Variants in CGNL1 observed in about 807,000 individuals in gnomAD.
The protein encoded by CGNL1 is cingulin like 1, also known as cingulin-like protein 1.
A neutral mutation model predicts 141.2 loss-of-function variants in CGNL1; 132 were observed. The ratio of observed to expected loss-of-function variants is 0.93; its 90% CI spans 0.81 to 1.08. The LOEUF is 1.08. Ranked by LOEUF, CGNL1 falls within the 50% of genes least tolerant of loss-of-function variation. CGNL1 has a pLI of 0.00. For synonymous variants in CGNL1, 690 were observed against 622.1 expected (o/e 1.11, Z -1.63); for missense variants, 1,870 against 1,588.6 (o/e 1.18, Z -3.01).
At chr15:57,384,638 T>C (rs2062461948) in intron 1 of CGNL1, among the ~76,000 whole-genome samples, 1 of 151,638 alleles carries the variant, frequency 6.6e-6, no homozygotes, top group South Asian at 2.1e-4. Context: ...ACATAAGTGC[T>C]CTTTGTTTAT....
At chr15:57,382,620 T>C (rs1175262923) in intron 1 of CGNL1, among the ~76,000 whole-genome samples, 1 of 152,248 alleles carries the variant, frequency 6.6e-6, no homozygotes, top group East Asian at 1.9e-4. Flanking sequence ...ACCTCTAGTT[T>C]TGGCCTCAAG....
rs1200240245 is a variant in CGNL1, at chr15:57,439,511, G to A, written c.1512G>A (p.Leu504=). The A allele has an allele frequency of 6.2e-7, 1 of 1,614,242 alleles. No individual in the cohort carries two copies. Residue 504 remains leucine (L), a synonymous_variant, in exon 2 of 19, where the codon CTG becomes CTA. Coordinates refer to ENST00000281282, the MANE Select transcript of CGNL1 (RefSeq NM_032866.5). ...AGGTGAAAACAGCCACCGCTACGCTGATGTTACAGAACCGGGCAACAGCAA... is the reference window on the plus strand; with the variant it reads ...AGGTGAAAACAGCCACCGCTACGCTAATGTTACAGAACCGGGCAACAGCAA... ...EEEVKTATAT[L]MLQNRATATS...
At chr15:57,500,606 A>G (rs1169516565) in intron 8 of CGNL1, among the ~76,000 whole-genome samples, 1 of 152,174 alleles carries the variant, frequency 6.6e-6, no homozygotes, top group African/African-American at 2.4e-5. Context: ...CTGTGCTCCC[A>G]GAGAACTATC....
chr15:57,439,663 T>C, intron 2 of CGNL1, 62 bp downstream of exon 2: 2 of 1,485,034 alleles, frequency 1.3e-6, no homozygotes, highest in East Asian at 2.3e-5. Flanking sequence ...TGTAATGATG[T>C]ACTTATGCTG....
intron 4 of CGNL1, among the ~76,000 whole-genome samples, chr15:57,446,100 C>A (rs186658456): frequency 1.3e-4 from 20 of 152,306 alleles, no homozygotes; most frequent in Admixed American, 1.0e-3. Context: ...GTAGATTACA[C>A]TGTAACAAAT....
At chr15:57,483,882 A>G (rs1409722084) in intron 8 of CGNL1, among the ~76,000 whole-genome samples, 1 of 152,194 alleles carries the variant, frequency 6.6e-6, no homozygotes, top group Non-Finnish European at 1.5e-5. Flanking sequence ...TGATATGATC[A>G]TGTGATTTTT....
rs1212437396 is a variant in CGNL1 at position 57,379,041 on chromosome 15, G to GT, written c.-16+2482dup. 8.0e-4 allele frequency among the ~76,000 whole-genome samples: 120 copies of GT among 149,112 alleles called. 1 individual carries two copies. In the South Asian group the frequency reaches 0.012, roughly 14 times the overall value. On this transcript the variant is annotated intron_variant, in intron 1 of 18. Transcript: ENST00000281282. ...ACTATATGGAAAGTGTTTTCCTACT[G>GT]TTTTTTTTGTGTGTGTGTGTGTGAG... is the stretch of plus-strand genomic sequence containing the variant.
chr15:57,545,569 T>G, intron 16 of CGNL1, 23 bp from the exon 17 acceptor site: 1 of 1,602,116 alleles, frequency 6.2e-7, no homozygotes, highest in Non-Finnish European at 8.5e-7. Flanking sequence ...AGAGGGTTCT[T>G]GGTTCTGTCT....
intron 7 of CGNL1, among the ~76,000 whole-genome samples, chr15:57,458,892 A>C (rs1215078208): frequency 6.6e-6 from 1 of 152,210 alleles, no homozygotes; most frequent in Non-Finnish European, 1.5e-5. Flanking sequence ...TGAGCTTGTC[A>C]ATGCCTGCTA....
At chr15:57,481,774 T>C (rs1321434377) in intron 8 of CGNL1, among the ~76,000 whole-genome samples, 3 of 152,190 alleles carry the variant, frequency 2.0e-5, no homozygotes, top group South Asian at 2.1e-4. Flanking sequence ...CTGAGATAAA[T>C]ATCTAGGAGT....
chr15:57,467,962 T>C (rs994236138), intron 8 of CGNL1, among the ~76,000 whole-genome samples: 1 of 152,172 alleles, frequency 6.6e-6, no homozygotes, highest in Non-Finnish European at 1.5e-5. Context: ...AGTACTGGGA[T>C]TACAGGCATG....
intron 8 of CGNL1, among the ~76,000 whole-genome samples, chr15:57,497,156 G>A (rs1166477925): frequency 6.6e-6 from 1 of 152,188 alleles, no homozygotes; most frequent in Non-Finnish European, 1.5e-5. Flanking sequence ...CTTCTGGCAG[G>A]TCTCTGTAAG....
At chr15:57,407,746 A>C (rs2062739530) in intron 1 of CGNL1, among the ~76,000 whole-genome samples, 1 of 140,082 alleles carries the variant, frequency 7.1e-6, no homozygotes. Flanking sequence ...AATTATTCTC[A>C]ATTTTTTTTT....
At chr15:57,487,473 T>G (rs117024341) in intron 8 of CGNL1, among the ~76,000 whole-genome samples, 1 of 152,312 alleles carries the variant, frequency 6.6e-6, no homozygotes, top group East Asian at 1.9e-4. Context: ...AGGATACATA[T>G]TTTTCTCAAA....
chr15:57,475,060 A>G (rs2063634259), intron 8 of CGNL1, among the ~76,000 whole-genome samples: 1 of 151,736 alleles, frequency 6.6e-6, no homozygotes, highest in Non-Finnish European at 1.5e-5. Context: ...CCATCCTCTG[A>G]CCTCCTTTCT....
At chr15:57,413,863 C>T (rs754982836) in intron 1 of CGNL1, among the ~76,000 whole-genome samples, 14 of 152,158 alleles carry the variant, frequency 9.2e-5, no homozygotes, top group Non-Finnish European at 1.5e-4. Flanking sequence ...CCCCCAGTGT[C>T]GGCATCAGTT....
At chr15:57,467,703 T>A (rs1986754816) in intron 8 of CGNL1, among the ~76,000 whole-genome samples, 1 of 149,262 alleles carries the variant, frequency 6.7e-6, no homozygotes, top group African/African-American at 2.5e-5. Context: ...TTTTTTTTTT[T>A]TTTGAGATGG....
intron 14 of CGNL1, among the ~76,000 whole-genome samples, chr15:57,537,267 A>G (rs1255269188): frequency 6.6e-6 from 1 of 152,148 alleles, no homozygotes; most frequent in Non-Finnish European, 1.5e-5. Flanking sequence ...GGGACTGAGC[A>G]AGGCTGCCTT....
rs72168222 is a variant in CGNL1 at position 57,475,492 on chromosome 15, G to GGT, written c.2403+13643_2403+13644dup. 4.8e-3 allele frequency among the ~76,000 whole-genome samples: 707 copies of GGT among 147,898 alleles called. 9 individuals carry two copies. The highest frequency in any genetic ancestry group is 0.017 in the African/African-American group (663 of 39,674). The stretch of plus-strand genomic sequence containing the variant: ...CTGGGATCTATGTATATACAAGTGT[G>GGT]GTGTGTGTGTGTGTGTGTGTGTGTG... On this transcript the variant is annotated intron_variant, in intron 8 of 18. Transcript: ENST00000281282.
Sources: allele counts gnomAD v4.1 joint callset (sites outside exome capture counted in the v4.1 genomes callset), GRCh38; gene constraint gnomAD v4.1.1; transcripts MANE v1.5; gene names NCBI Gene and HGNC (gene_info 2026-07-23, HGNC 2026-07-21).